Variants in SNU13 observed in about 807,000 individuals in gnomAD.
The protein encoded by SNU13 is small nuclear ribonucleoprotein 13, also known as NHP2-like protein 1.
SNU13 carries 2 observed loss-of-function variants against 12.4 expected under a neutral mutation model. That is an observed-to-expected ratio of 0.16 (90% CI 0.07 to 0.51). The LOEUF (loss-of-function observed/expected upper bound fraction) is 0.51. Among genes scored for constraint, SNU13 ranks in the 20% least tolerant of loss-of-function variants. The pLI, the probability that SNU13 is intolerant of heterozygous loss-of-function variation, is 0.96. For missense variants in SNU13, 66 were observed against 157.8 expected, an observed-to-expected ratio of 0.42 and a Z score of 3.12; for synonymous variants, 68 against 66.5, an observed-to-expected ratio of 1.02 and a Z score of -0.11.
chr22:41,684,017 C>T (rs2068288697), intron 1 of SNU13, among the ~76,000 whole-genome samples: 1 of 152,136 alleles, frequency 6.6e-6, no homozygotes, highest in African/African-American at 2.4e-5. Flanking sequence ...ATTCTCCTAC[C>T]TCAGCCCCCA....
At chr22:41,677,607 T>A (rs1329875670) in intron 2 of SNU13, among the ~76,000 whole-genome samples, 1 of 152,198 alleles carries the variant, frequency 6.6e-6, no homozygotes. Context: ...GATATTACTA[T>A]AGCTTACTCA....
chr22:41,688,386 T>TC (rs2068329608), intron 1 of SNU13: 1 of 166,556 alleles, frequency 6.0e-6, no homozygotes, highest in African/African-American at 2.4e-5. Flanking sequence ...TTGATCCGAA[T>TC]CCCAGGGTCC....
chr22:41,689,219 C>T (rs2068340064), upstream of SNU13: 1 of 473,856 alleles, frequency 2.1e-6, no homozygotes, highest in Non-Finnish European at 2.8e-6. Flanking sequence ...AAAAATTAGC[C>T]AGGCGTGGTG....
rs1256713420 is a variant in SNU13, at chr22:41,682,293, C to A, written c.4-1929G>T. 9.2e-6 allele frequency: 14 copies of A among 1,529,650 alleles called. No homozygotes were observed. The East Asian group carries it at 2.9e-4, about 32-fold the overall frequency. 94.8% of individuals were successfully genotyped at this position (1,529,650 alleles called of 1,614,324 possible). A position where few individuals can be genotyped will look rare whatever the true frequency, so the allele number is the denominator to read the frequency against. ...CAGCTTTTCTGACACAGCGGGACCA[C>A]GCTCGCGGCACCACAGCTCTCGGGA... On this transcript the variant is annotated intron_variant, in intron 1 of 2. Coordinates refer to ENST00000401959, the MANE Select transcript of SNU13 (RefSeq NM_001003796.2).
At chr22:41,679,703 G>A (rs2147135193) in intron 2 of SNU13, 1 of 151,432 alleles carries the variant, frequency 6.6e-6, no homozygotes, top group South Asian at 2.1e-4. Flanking sequence ...TTTTTACAAA[G>A]GGAGGTAGTG....
upstream of SNU13, chr22:41,688,968 C>T (rs1049791326): frequency 1.1e-5 from 15 of 1,349,384 alleles, no homozygotes; most frequent in African/African-American, 2.0e-4. Flanking sequence ...GGGGCACTGG[C>T]GCGGAAACTG....
intron 1 of SNU13, chr22:41,682,735 C>A (rs1371275065): frequency 3.1e-6 from 1 of 327,202 alleles, no homozygotes; most frequent in South Asian, 3.5e-5. Flanking sequence ...GGTTGGAGTG[C>A]AGTGGCGCGA....
At position 41,674,921 on chromosome 22, in the gene SNU13, G is replaced by A; in HGVS notation, c.*12C>T. On this transcript the variant is annotated 3_prime_UTR_variant, in exon 3 of 3. Coordinates refer to ENST00000401959, the MANE Select transcript of SNU13 (RefSeq NM_001003796.2). Reference sequence around the variant, plus strand: ...GGAAGCTGGCAGGGAGCACGTGGCAGAGGCCACAGGTTTAGACTAAGAGCC... The same window carrying A: ...GGAAGCTGGCAGGGAGCACGTGGCAAAGGCCACAGGTTTAGACTAAGAGCC... The A allele has an allele frequency of 6.2e-7, 1 of 1,606,472 alleles. No individual in the cohort carries two copies. The highest frequency in any genetic ancestry group is 8.5e-7 in the Non-Finnish European group (1 of 1,174,378).
intron 1 of SNU13, chr22:41,687,613 C>G (rs1325544204): frequency 6.6e-6 from 1 of 152,166 alleles, no homozygotes; most frequent in Non-Finnish European, 1.5e-5. Flanking sequence ...TGATATCATA[C>G]CACCAGCCAA....
At chr22:41,682,399 T>C (rs766067458) in intron 1 of SNU13, 1 of 1,613,816 alleles carries the variant, frequency 6.2e-7, no homozygotes, top group Non-Finnish European at 8.5e-7. Context: ...ACCGCGAGGA[T>C]ACCACGCGTG....
chr22:41,690,190 GA>G (rs1344926459), upstream of SNU13, among the ~76,000 whole-genome samples: 1 of 152,166 alleles, frequency 6.6e-6, no homozygotes, highest in African/African-American at 2.4e-5. Context: ...CAAGCAACGA[GA>G]AAGGCATGTT....
At chr22:41,677,498 C>A (rs1473211001) in intron 2 of SNU13, among the ~76,000 whole-genome samples, 1 of 152,106 alleles carries the variant, frequency 6.6e-6, no homozygotes, top group African/African-American at 2.4e-5. Flanking sequence ...TGCACTCCAG[C>A]CTGGGCTGCA....
intron 2 of SNU13, 65 bp from the exon 3 acceptor site, chr22:41,675,260 T>C: frequency 6.4e-7 from 1 of 1,571,402 alleles, no homozygotes; most frequent in Non-Finnish European, 8.6e-7. Flanking sequence ...CACAACAAAC[T>C]GGGAAGAATG....
At chr22:41,685,760 G>A (rs571428188) in intron 1 of SNU13, among the ~76,000 whole-genome samples, 1 of 151,846 alleles carries the variant, frequency 6.6e-6, no homozygotes, top group African/African-American at 2.4e-5. Flanking sequence ...GAGGTCAGGA[G>A]TTGGAGACCA....
rs8779 is a variant in SNU13 at position 41,674,272 on chromosome 22, T to C, written c.*661A>G. ...TGCCCCATGGCTCACCCACCCAGGC[T>C]GCCTCCGGAGTCCTGCAGCACATCT... On this transcript the variant is annotated 3_prime_UTR_variant, in exon 3 of 3. Coordinates refer to ENST00000401959, the MANE Select transcript of SNU13 (RefSeq NM_001003796.2). The C allele has an allele frequency of 0.83, 126,953 of 152,796 alleles. 53,768 individuals carry two copies. Among genetic ancestry groups the C allele is most frequent in the African/African-American group, 0.95 (39,687 of 41,570 alleles). 9.5% of individuals were successfully genotyped at this position (152,796 alleles called of 1,614,324 possible).
upstream of SNU13, among the ~76,000 whole-genome samples, chr22:41,689,920 G>A (rs1329764911): frequency 6.6e-6 from 1 of 151,736 alleles, no homozygotes; most frequent in Non-Finnish European, 1.5e-5. Flanking sequence ...GGAAGTTGCA[G>A]TGAGCCGAGA....
chr22:41,683,897 G>C (rs2068287337), intron 1 of SNU13, among the ~76,000 whole-genome samples: 1 of 151,628 alleles, frequency 6.6e-6, no homozygotes, highest in African/African-American at 2.4e-5. Context: ...TTTAGGAGCA[G>C]GGTTTTTTTT....
In SNU13 at chr22:41,686,712, C is replaced by T. The variant is rs116079101; in HGVS notation, c.3+2082G>A. 8.4e-3 allele frequency among the ~76,000 whole-genome samples: 1,272 copies of T among 151,066 alleles called. 18 individuals carry two copies. Among genetic ancestry groups the T allele is most frequent in the African/African-American group, 0.029 (1,200 of 41,084 alleles). ...CATGATCTCGGCTCACTGCAAACAC[C>T]GCCTCCCCGGTTATAGTGATTCTCC... On this transcript the variant is annotated intron_variant, in intron 1 of 2. Transcript: ENST00000401959.
chr22:41,682,168 A>AGACG (rs1488929006), intron 1 of SNU13, among the ~76,000 whole-genome samples: 1 of 151,814 alleles, frequency 6.6e-6, no homozygotes, highest in African/African-American at 2.4e-5. Flanking sequence ...CAGTCGCTGG[A>AGACG]GACGGAGATG....
Sources: gnomAD v4.1 joint callset for allele counts (sites outside exome capture counted in the v4.1 genomes callset) on GRCh38, gnomAD v4.1.1 for gene constraint, MANE v1.5 for transcripts, NCBI Gene and HGNC (gene_info 2026-07-23, HGNC 2026-07-21) for gene names.